The following JARID2 variants were observed in gnomAD, a reference collection of about 807,000 sequenced individuals.
The protein encoded by JARID2 is jumonji and AT-rich interaction domain containing 2.
A neutral mutation model predicts 125.6 loss-of-function variants in JARID2; 21 were observed. The ratio of observed to expected loss-of-function variants is 0.17; its 90% CI spans 0.12 to 0.24. The LOEUF is 0.24. JARID2 is among the 10% of genes least tolerant of loss of function. JARID2 has a pLI of 1.00. For synonymous variants in JARID2, 736 were observed against 661.6 expected, an observed-to-expected ratio of 1.11 and a Z score of -1.73; for missense variants, 1,303 against 1,639.6, an observed-to-expected ratio of 0.79 and a Z score of 3.55.
intron 13 of JARID2, among the ~76,000 whole-genome samples, chr6:15,511,966 G>A (rs373800635): frequency 6.6e-6 from 1 of 152,202 alleles, no homozygotes; most frequent in Non-Finnish European, 1.5e-5. Context: ...GCATTGCCAC[G>A]TGGGGACAGA....
chr6:15,521,093 GA>G lies in JARID2; in HGVS notation c.*850del, dbSNP rs1299933144. On this transcript the variant is annotated 3_prime_UTR_variant, in exon 18 of 18. Transcript: ENST00000341776. ...ATTTAAAAAAAAAAAAAAAAAAAAG[GA>G]AAAAAAAGTGATGGAAGCCGTAAGT... The G allele has an allele frequency of 3.8e-5, 4 of 104,512 alleles. No individual in the cohort carries two copies. Among genetic ancestry groups the G allele is most frequent in the African/African-American group, 1.2e-4 (3 of 25,566 alleles). The allele number at this position is 104,512 out of a possible 1,614,324, so 6.5% of individuals were successfully genotyped here. A position where few individuals can be genotyped will look rare whatever the true frequency, so the allele number is the denominator to read the frequency against.
At chr6:15,474,460 CTT>C (rs59060966) in intron 5 of JARID2, among the ~76,000 whole-genome samples, 3,257 of 143,714 alleles carry the variant, frequency 0.023, 70 homozygotes, top group African/African-American at 0.046. Flanking sequence ...AGTTGCATGC[CTT>C]TTTTTTTTTT....
At chr6:15,340,477 T>C (rs775902852) in intron 1 of JARID2, among the ~76,000 whole-genome samples, 3 of 152,216 alleles carry the variant, frequency 2.0e-5, no homozygotes, top group Non-Finnish European at 4.4e-5. Context: ...TGAAAAGTAG[T>C]TGTGATTCCT....
chr6:15,492,480 G>C (rs1581638615), intron 6 of JARID2, among the ~76,000 whole-genome samples: 2 of 152,312 alleles, frequency 1.3e-5, no homozygotes, highest in Non-Finnish European at 2.9e-5. Context: ...AACAAGGTAA[G>C]ACAATGCCTT....
chr6:15,394,115 G>T (rs1420965158), intron 2 of JARID2, among the ~76,000 whole-genome samples: 3 of 152,096 alleles, frequency 2.0e-5, no homozygotes, highest in Non-Finnish European at 4.4e-5. Flanking sequence ...AAGTATATGA[G>T]CTATGTCTAG....
At chr6:15,253,850 G>T (rs1293767190) in intron 1 of JARID2, among the ~76,000 whole-genome samples, 1 of 152,172 alleles carries the variant, frequency 6.6e-6, no homozygotes, top group African/African-American at 2.4e-5. Context: ...GTTTGTCTGA[G>T]AAAAGGGGTT....
chr6:15,415,913 C>T (rs1306182791), intron 3 of JARID2, among the ~76,000 whole-genome samples: 4 of 151,880 alleles, frequency 2.6e-5, no homozygotes, highest in East Asian at 2.0e-4. Flanking sequence ...CAGGCAGAGA[C>T]GCTCCTCACT....
At chr6:15,394,563 G>T (rs1156694913) in intron 2 of JARID2, among the ~76,000 whole-genome samples, 2 of 152,194 alleles carry the variant, frequency 1.3e-5, no homozygotes, top group African/African-American at 4.8e-5. Flanking sequence ...TGCGCTACTT[G>T]ACTGCAGCGT....
intron 3 of JARID2, among the ~76,000 whole-genome samples, chr6:15,444,513 G>A (rs146537091): frequency 1.3e-5 from 2 of 152,162 alleles, no homozygotes; most frequent in African/African-American, 2.4e-5. Context: ...GCACACACAC[G>A]GGCACACTCT....
intron 1 of JARID2, among the ~76,000 whole-genome samples, chr6:15,271,825 C>G (rs1414260747): frequency 6.6e-6 from 1 of 152,140 alleles, no homozygotes; most frequent in East Asian, 1.9e-4. Flanking sequence ...CATGGTGAAA[C>G]CCCATCTATA....
At chr6:15,296,948 C>G (rs1353447785) in intron 1 of JARID2, among the ~76,000 whole-genome samples, 1 of 152,208 alleles carries the variant, frequency 6.6e-6, no homozygotes, top group Non-Finnish European at 1.5e-5. Flanking sequence ...TCTTGGCTTC[C>G]TGCTTACATC....
chr6:15,369,104 T>G (rs1473528788), intron 1 of JARID2, among the ~76,000 whole-genome samples: 1 of 152,198 alleles, frequency 6.6e-6, no homozygotes, highest in Non-Finnish European at 1.5e-5. Flanking sequence ...GCATGTGATG[T>G]TATCATGTGC....
At chr6:15,428,941 A>G (rs7752012) in intron 3 of JARID2, among the ~76,000 whole-genome samples, 1 of 90,298 alleles carries the variant, frequency 1.1e-5, no homozygotes, top group African/African-American at 5.0e-5. Context: ...CCCCCCCCCC[A>G]AAAAAAAAAA....
At chr6:15,450,620 T>A (rs1164318713) in intron 3 of JARID2, among the ~76,000 whole-genome samples, 1 of 152,184 alleles carries the variant, frequency 6.6e-6, no homozygotes, top group African/African-American at 2.4e-5. Context: ...CCTCAAAGAA[T>A]GTTTTTCAAA....
intron 1 of JARID2, among the ~76,000 whole-genome samples, chr6:15,246,991 C>T (rs913981514): frequency 1.5e-4 from 23 of 152,162 alleles, no homozygotes; most frequent in African/African-American, 5.1e-4. Flanking sequence ...AATCGTGTAA[C>T]GCATGTGTGT....
rs1032541166 is a variant in JARID2 at position 15,437,715 on chromosome 6, A to G, written c.324-14291A>G. ...AGGAGGTTAGAATTTACCATCCTAGAATCGCTTGAACCCGGGAGGCGGAGG... is the reference window on the plus strand; with the variant it reads ...AGGAGGTTAGAATTTACCATCCTAGGATCGCTTGAACCCGGGAGGCGGAGG... On this transcript the variant is annotated intron_variant, in intron 3 of 17. Coordinates refer to ENST00000341776, the MANE Select transcript of JARID2 (RefSeq NM_004973.4). Among the ~76,000 whole-genome samples, 22 of 152,250 alleles carry G rather than the reference A, an allele frequency of 1.4e-4. 1 individual carries two copies. Among genetic ancestry groups the G allele is most frequent in the East Asian group, 3.9e-4 (2 of 5,178 alleles).
intron 1 of JARID2, among the ~76,000 whole-genome samples, chr6:15,304,112 C>G (rs1205212112): frequency 2.6e-5 from 4 of 152,110 alleles, no homozygotes; most frequent in African/African-American, 9.7e-5. Context: ...TGTAAACAGT[C>G]CTAGAGTAAG....
At chr6:15,275,870 CT>C (rs1193535137) in intron 1 of JARID2, among the ~76,000 whole-genome samples, 2 of 151,990 alleles carry the variant, frequency 1.3e-5, no homozygotes, top group Non-Finnish European at 2.9e-5. Context: ...TTTTCTGGTA[CT>C]TTTTGTCTAA....
intron 5 of JARID2, among the ~76,000 whole-genome samples, chr6:15,471,034 T>G (rs1240236811): frequency 6.6e-6 from 1 of 152,110 alleles, no homozygotes; most frequent in Non-Finnish European, 1.5e-5. Flanking sequence ...AAGGAAAAAA[T>G]TATTGTATTC....
Sources: allele counts gnomAD v4.1 joint callset (sites outside exome capture counted in the v4.1 genomes callset), GRCh38; gene constraint gnomAD v4.1.1; transcripts MANE v1.5; gene names NCBI Gene and HGNC (gene_info 2026-07-23, HGNC 2026-07-21).